Variants in ZNF787 observed in about 807,000 individuals in gnomAD.
ZNF787 encodes TTF-I-interacting peptide 20.
In ZNF787, 7 loss-of-function variants were observed where a neutral mutation model predicts 16.9. That is an observed-to-expected ratio of 0.42 (90% CI 0.24 to 0.78). The LOEUF (loss-of-function observed/expected upper bound fraction) is 0.78, where lower values mean the gene tolerates loss of function less well. ZNF787 is among the 30% of genes least tolerant of loss of function. ZNF787 has a pLI of 0.30. For synonymous variants in ZNF787, 345 were observed against 270.9 expected, an observed-to-expected ratio of 1.27 and a Z score of -2.69; for missense variants, 551 against 589.3, an observed-to-expected ratio of 0.94 and a Z score of 0.67.
intron 1 of ZNF787, among the ~76,000 whole-genome samples, chr19:56,104,454 G>A (rs1173659695): frequency 2.6e-5 from 3 of 114,864 alleles, no homozygotes; most frequent in African/African-American, 1.1e-4. Flanking sequence ...GCACGCCGCC[G>A]ACCCGTGCCA....
At position 56,095,702 on chromosome 19, in the gene ZNF787, T is replaced by TA. The variant is rs1266448075; in HGVS notation, c.80-6611dup. Among the ~76,000 whole-genome samples the TA allele has an allele frequency of 8.5e-5, 13 of 152,350 alleles. No individual in the cohort carries two copies. The South Asian group carries it at 2.5e-3, about 29-fold the overall frequency. ...CTGCACAGCACTTTACCTGGTTGCT[T>TA]AGAGAGCTGCAGGGCCTGAGCTGCC... is the stretch of plus-strand genomic sequence containing the variant. On this transcript the variant is annotated intron_variant, in intron 2 of 2. Transcript: ENST00000610935.
chr19:56,114,990 T>C (rs537804462), intron 1 of ZNF787, among the ~76,000 whole-genome samples: 101 of 152,232 alleles, frequency 6.6e-4, no homozygotes, highest in African/African-American at 2.0e-3. Flanking sequence ...GAAAACCTCA[T>C]TCTTGTTCCC....
At chr19:56,110,006 T>C (rs569340716) in intron 1 of ZNF787, among the ~76,000 whole-genome samples, 3 of 152,320 alleles carry the variant, frequency 2.0e-5, no homozygotes, top group Non-Finnish European at 4.4e-5. Context: ...AGGAATTACA[T>C]AGTGGTGATG....
In ZNF787 at chr19:56,102,684, G is replaced by A. The variant is rs557252576; in HGVS notation, c.79+455C>T. On this transcript the variant is annotated intron_variant, in intron 2 of 2. Coordinates refer to ENST00000610935, the MANE Select transcript of ZNF787 (RefSeq NM_001002836.4). ...TTCCCTGCACTCCTGAGCTTTCCCT[G>A]AAAAGTCGGCATCAGCCTGCGGGTT... 1.3e-3 allele frequency: 730 copies of A among 548,070 alleles called. 3 individuals are homozygous for A. Among genetic ancestry groups the A allele is most frequent in the Non-Finnish European group, 2.2e-3 (673 of 308,938 alleles). 34.0% of individuals were successfully genotyped at this position (548,070 alleles called of 1,614,324 possible).
intron 2 of ZNF787, among the ~76,000 whole-genome samples, chr19:56,100,942 T>C (rs647936): frequency 0.89 from 87,210 of 98,508 alleles, 39,337 homozygotes; most frequent in Non-Finnish European, 0.96. Context: ...GAACGATGTC[T>C]GTCACTGTCA....
rs1300275506 is a variant in ZNF787, at chr19:56,087,828, C to T, written c.*195G>A. ...AGGCTGAGGGGGCAGAGTCTCGAGG[C>T]GGAGAAGTGAACGGGCCCTAATACG... On this transcript the variant is annotated 3_prime_UTR_variant, in exon 3 of 3. Transcript: ENST00000610935. 5.7e-6 allele frequency: 5 copies of T among 879,406 alleles called. No individual in the cohort carries two copies. The highest frequency in any genetic ancestry group is 7.5e-6 in the Non-Finnish European group (5 of 669,826). 54.5% of individuals were successfully genotyped at this position (879,406 alleles called of 1,614,324 possible).
chr19:56,117,514 T>C (rs11668510), intron 1 of ZNF787, among the ~76,000 whole-genome samples: 5 of 149,596 alleles, frequency 3.3e-5, no homozygotes, highest in Non-Finnish European at 4.5e-5. Context: ...AGGCTTCCAC[T>C]AGCGGAGTGG....
At chr19:56,115,390 G>T (rs1350769341) in intron 1 of ZNF787, among the ~76,000 whole-genome samples, 3 of 118,436 alleles carry the variant, frequency 2.5e-5, no homozygotes, top group East Asian at 2.4e-4. Flanking sequence ...ACGGAGTCTT[G>T]CTCTGTCGCC....
At chr19:56,109,012 G>A (rs550320550) in intron 1 of ZNF787, among the ~76,000 whole-genome samples, 27 of 151,872 alleles carry the variant, frequency 1.8e-4, no homozygotes, top group African/African-American at 4.6e-4. Flanking sequence ...GACCCACGCC[G>A]GGGAGGTGGG....
In ZNF787 at chr19:56,088,045, C is replaced by A; in HGVS notation, c.1127G>T (p.Cys376Phe). Reference protein sequence around the residue: ...DEAAGGRCPECRGGEGR With the variant: ...DEAAGGRCPEFRGGEGR Reference sequence around the variant, plus strand: ...CCCCTACCGGCCCTCCCCACCGCGGCACTCGGGGCACCGCCCGCCCGCGGC... The same window carrying A: ...CCCCTACCGGCCCTCCCCACCGCGGAACTCGGGGCACCGCCCGCCCGCGGC... The change falls in exon 3 of 3, where the codon TGC (cysteine) becomes TTC (phenylalanine). Residue 376 changes from cysteine (C) to phenylalanine (F), a missense_variant. Physicochemically the swap from Cys to Phe is radical, Grantham distance 205. Around this residue, in one of 4 missense-constraint regions of ZNF787, gnomAD observed 392 missense variants for 312.7 expected, o/e 1.25. Transcript: ENST00000610935. This position sits in a 1 kb window ranked among gnomAD's most constrained non-coding sequence, Gnocchi z 8.6. 1.5e-6 allele frequency: 2 copies of A among 1,368,398 alleles called. No homozygotes were observed. Among genetic ancestry groups the A allele is most frequent in the Non-Finnish European group, 1.9e-6 (2 of 1,064,640 alleles). 84.8% of individuals were successfully genotyped at this position (1,368,398 alleles called of 1,614,324 possible).
intron 2 of ZNF787, chr19:56,102,778 A>G: frequency 1.6e-6 from 1 of 621,538 alleles, no homozygotes; most frequent in South Asian, 1.9e-5. Context: ...CCCGCCTGGA[A>G]TCATAGCAGA....
In ZNF787 at chr19:56,088,422, G is replaced by C; in HGVS notation, c.750C>G (p.Gly250=). 8.7e-7 allele frequency: 1 copy of C among 1,155,776 alleles called. No individual in the cohort carries two copies. Among genetic ancestry groups the C allele is most frequent in the Non-Finnish European group, 1.1e-6 (1 of 940,640 alleles). The allele number at this position is 1,155,776 out of a possible 1,614,324, so 71.6% of individuals were successfully genotyped here. ...TGGCTGCCGCGGCCGCGGCCCCCTC[G>C]CCCGGCGCGCCCACCACGATGATGC... ...GEGIIVVGAP[G]EGAAAAAAMA... Residue 250 remains glycine (G), a synonymous_variant, in exon 3 of 3, where the codon GGC becomes GGG. Coordinates refer to ENST00000610935, the MANE Select transcript of ZNF787 (RefSeq NM_001002836.4). This position sits in a 1 kb window ranked among gnomAD's most constrained non-coding sequence, Gnocchi z 8.6.
At chr19:56,102,929 G>GC in intron 2 of ZNF787, 1 of 709,638 alleles carries the variant, frequency 1.4e-6, no homozygotes. Context: ...AGATCATCCA[G>GC]CAGAAAGGAA....
At chr19:56,091,218 C>T (rs1568522947) in intron 2 of ZNF787, among the ~76,000 whole-genome samples, 3 of 152,166 alleles carry the variant, frequency 2.0e-5, no homozygotes, top group African/African-American at 4.8e-5. Context: ...TTGTTGTCAC[C>T]GTAAACCGAG....
At chr19:56,090,337 C>T (rs1027691561) in intron 2 of ZNF787, among the ~76,000 whole-genome samples, 5 of 152,110 alleles carry the variant, frequency 3.3e-5, no homozygotes, top group African/African-American at 1.2e-4. Context: ...CACAGCTACA[C>T]GACTACAAAG....
intron 2 of ZNF787, among the ~76,000 whole-genome samples, chr19:56,095,456 T>A (rs1342835753): frequency 6.6e-6 from 1 of 152,240 alleles, no homozygotes; most frequent in Non-Finnish European, 1.5e-5. Flanking sequence ...GCTCATTTTA[T>A]GTATAAGTTT....
intron 2 of ZNF787, among the ~76,000 whole-genome samples, chr19:56,094,469 CCG>C (rs1214219195): frequency 6.9e-6 from 1 of 144,718 alleles, no homozygotes; most frequent in African/African-American, 2.5e-5. Flanking sequence ...CCACCACGCC[CCG>C]CCTTTTTTTT....
chr19:56,115,642 C>T (rs1429737204), intron 1 of ZNF787, among the ~76,000 whole-genome samples: 2 of 152,142 alleles, frequency 1.3e-5, no homozygotes, highest in Non-Finnish European at 2.9e-5. Context: ...AAAGGTTTCC[C>T]GCATGCCTCC....
Position 56,088,129 on chromosome 19 carries a change from C to T in ZNF787, c.1043G>A (p.Ser348Asn). Reference sequence around the variant, plus strand: ...GCGGTAGTAGCTCTGTCCGCAGCTGCTGCAGACCGAGGGCGCGCCCACCGC... The same window carrying T: ...GCGGTAGTAGCTCTGTCCGCAGCTGTTGCAGACCGAGGGCGCGCCCACCGC... ...IHAVGAPSVC[S>N]SCGQSYYRAG... The change falls in exon 3 of 3, where the codon AGC becomes AAC. Residue 348 changes from serine (S) to asparagine (N), a missense_variant. By Grantham distance (46) the Ser-to-Asn change is conservative. Around this residue, in one of 4 missense-constraint regions of ZNF787, gnomAD observed 392 missense variants for 312.7 expected, o/e 1.25. Transcript: ENST00000610935. The surrounding 1 kb of genome is among the most constrained non-coding windows in gnomAD (Gnocchi z 8.6). 6.4e-7 allele frequency: 1 copy of T among 1,551,852 alleles called. No individual in the cohort carries two copies. Among genetic ancestry groups the T allele is most frequent in the Non-Finnish European group, 8.7e-7 (1 of 1,154,738 alleles).
Sources: allele counts gnomAD v4.1 joint callset (sites outside exome capture counted in the v4.1 genomes callset), GRCh38; gene constraint gnomAD v4.1.1; regional missense constraint gnomAD v4.1.1; non-coding constraint Gnocchi (gnomAD v3.1); transcripts MANE v1.5; gene names NCBI Gene and HGNC (gene_info 2026-07-23, HGNC 2026-07-21).